Variants in QTMAN observed in about 807,000 individuals in gnomAD.
QTMAN encodes the protein tRNA-queuosine alpha-mannosyltransferase.
At chr2:144,167,424 T>C in the QTMAN span, among the ~76,000 whole-genome samples, 1 of 152,138 alleles carries the variant, frequency 6.6e-6, no homozygotes, top group Admixed American at 6.6e-5. Flanking sequence ...AGTACACTAA[T>C]TGATACGGTT....
the QTMAN span, chr2:143,970,603 G>C: frequency 2.2e-6 from 2 of 926,684 alleles, no homozygotes; most frequent in Non-Finnish European, 3.6e-6. Flanking sequence ...TTACGTTGTA[G>C]AGCTTATGTC....
At chr2:144,035,682 C>T in the QTMAN span, among the ~76,000 whole-genome samples, 1 of 152,124 alleles carries the variant, frequency 6.6e-6, no homozygotes, top group Middle Eastern at 3.2e-3. Flanking sequence ...AAGTTTCAAA[C>T]AGTCAAATAA....
At chr2:144,039,737 A>G in the QTMAN span, among the ~76,000 whole-genome samples, 19 of 152,146 alleles carry the variant, frequency 1.2e-4, no homozygotes, top group African/African-American at 4.6e-4. Context: ...AGAGGTTTAC[A>G]GGGACCAGAA....
chr2:144,049,137 G>C, the QTMAN span, among the ~76,000 whole-genome samples: 1 of 152,084 alleles, frequency 6.6e-6, no homozygotes, highest in Non-Finnish European at 1.5e-5. Context: ...ACAATACAAA[G>C]AGAAATAGTT....
chr2:144,204,019 G>A, the QTMAN span, among the ~76,000 whole-genome samples: 1 of 152,042 alleles, frequency 6.6e-6, no homozygotes, highest in Non-Finnish European at 1.5e-5. Flanking sequence ...AGACTTAAAT[G>A]TTAGACCTAA....
chr2:144,071,040 G>A, the QTMAN span, among the ~76,000 whole-genome samples: 2 of 152,086 alleles, frequency 1.3e-5, no homozygotes, highest in Non-Finnish European at 2.9e-5. Flanking sequence ...TTATTTACAG[G>A]GCTTTGTGAA....
the QTMAN span, among the ~76,000 whole-genome samples, chr2:144,104,857 C>T: frequency 6.6e-6 from 1 of 152,212 alleles, no homozygotes; most frequent in Non-Finnish European, 1.5e-5. Context: ...AGGCACCCCC[C>T]AGTAGGGGCA....
chr2:144,297,534 G>A, the QTMAN span, among the ~76,000 whole-genome samples: 1 of 148,468 alleles, frequency 6.7e-6, no homozygotes, highest in Admixed American at 6.7e-5. Context: ...TGGGCGTGGT[G>A]TCTCATGCCT....
chr2:143,943,769 C>T, the QTMAN span: 2 of 152,146 alleles, frequency 1.3e-5, no homozygotes, highest in East Asian at 1.9e-4. Context: ...GGCATTTAAA[C>T]TTAACTGTAT....
At chr2:144,196,213 C>CCACACA in the QTMAN span, among the ~76,000 whole-genome samples, 130 of 142,528 alleles carry the variant, frequency 9.1e-4, no homozygotes, top group South Asian at 1.8e-3. Context: ...GCACACATAG[C>CCACACA]CACACACACA....
chr2:144,054,665 T>G, the QTMAN span, among the ~76,000 whole-genome samples: 4 of 152,202 alleles, frequency 2.6e-5, no homozygotes, highest in Non-Finnish European at 5.9e-5. Context: ...ATGATGGGGC[T>G]GACATAGCCT....
the QTMAN span, among the ~76,000 whole-genome samples, chr2:143,998,829 C>T: frequency 2.6e-5 from 4 of 152,006 alleles, no homozygotes; most frequent in African/African-American, 7.2e-5. Context: ...GTATTTACAA[C>T]GCCTATAAAT....
the QTMAN span, among the ~76,000 whole-genome samples, chr2:144,131,540 A>C: frequency 6.6e-6 from 1 of 151,974 alleles, no homozygotes; most frequent in East Asian, 1.9e-4. Context: ...AGTGGCTACC[A>C]AATGACTATA....
the QTMAN span, among the ~76,000 whole-genome samples, chr2:143,983,142 T>C: frequency 1.3e-5 from 2 of 152,184 alleles, no homozygotes; most frequent in African/African-American, 2.4e-5. Flanking sequence ...TTAGTATCTG[T>C]ACTTGAGGGC....
the QTMAN span, among the ~76,000 whole-genome samples, chr2:144,107,132 T>G: frequency 8.5e-5 from 13 of 152,302 alleles, no homozygotes; most frequent in East Asian, 2.5e-3. Flanking sequence ...CTTATAGCAC[T>G]AAATGCCCAC....
At chr2:144,147,948 CA>C in the QTMAN span, among the ~76,000 whole-genome samples, 1 of 151,462 alleles carries the variant, frequency 6.6e-6, no homozygotes, top group African/African-American at 2.4e-5. Flanking sequence ...GCTGGATCTC[CA>C]AAAATGTCAT....
the QTMAN span, chr2:144,141,925 A>T: frequency 6.2e-7 from 1 of 1,611,758 alleles, no homozygotes. Flanking sequence ...ATAACTTGGC[A>T]CTTGGGTCTG....
the QTMAN span, among the ~76,000 whole-genome samples, chr2:144,275,810 G>C: frequency 6.6e-6 from 1 of 152,124 alleles, no homozygotes; most frequent in African/African-American, 2.4e-5. Flanking sequence ...AAGACCACCT[G>C]AGATTCTGAT....
chr2:144,085,847 G>C, the QTMAN span, among the ~76,000 whole-genome samples: 6 of 152,118 alleles, frequency 3.9e-5, no homozygotes, highest in African/African-American at 1.4e-4. Flanking sequence ...TTTCAAAACT[G>C]AAGGAAAACA....
Sources: gnomAD v4.1 joint callset for allele counts (sites outside exome capture counted in the v4.1 genomes callset) on GRCh38, gnomAD v4.1.1 for gene constraint, MANE v1.5 for transcripts, NCBI Gene and HGNC (gene_info 2026-07-23, HGNC 2026-07-21) for gene names.